BMP7: variants seen among roughly 807,000 people sequenced by gnomAD.
BMP7 encodes the protein osteogenic protein 1.
In BMP7, 12 loss-of-function variants were observed where a neutral mutation model predicts 41.2. The ratio of observed to expected loss-of-function variants is 0.29; its 90% CI spans 0.19 to 0.47. BMP7 has a LOEUF of 0.47. BMP7 is among the 20% of genes least tolerant of loss of function. The probability of loss-of-function intolerance (pLI) is 0.99; values close to 1 mark genes in which losing one functional copy is unlikely to be tolerated. For synonymous variants in BMP7, 248 were observed against 250.0 expected, an observed-to-expected ratio of 0.99 and a Z score of 0.07; for missense variants, 467 against 606.0, an observed-to-expected ratio of 0.77 and a Z score of 2.41.
At chr20:57,242,030 A>G (rs2066071764) in intron 1 of BMP7, among the ~76,000 whole-genome samples, 1 of 152,166 alleles carries the variant, frequency 6.6e-6, no homozygotes, top group Non-Finnish European at 1.5e-5. Context: ...CCCCTGGCCT[A>G]CGGCTTCCCA....
At chr20:57,184,287 T>TG (rs1266279770) in intron 3 of BMP7, among the ~76,000 whole-genome samples, 1 of 152,038 alleles carries the variant, frequency 6.6e-6, no homozygotes. Context: ...TTCAGGGAGT[T>TG]GGGGGGCAAT....
chr20:57,187,820 T>C (rs551129666), intron 3 of BMP7, among the ~76,000 whole-genome samples: 7 of 152,362 alleles, frequency 4.6e-5, no homozygotes, highest in African/African-American at 1.7e-4. Flanking sequence ...TGGGTTGTTC[T>C]TGCCCCTTTC....
At chr20:57,239,465 A>G (rs2066060993) in intron 1 of BMP7, among the ~76,000 whole-genome samples, 1 of 152,150 alleles carries the variant, frequency 6.6e-6, no homozygotes, top group African/African-American at 2.4e-5. Flanking sequence ...TTGAACGTTG[A>G]GTGACCATGG....
chr20:57,207,656 A>G (rs545989915), intron 2 of BMP7, among the ~76,000 whole-genome samples: 1 of 152,326 alleles, frequency 6.6e-6, no homozygotes, highest in South Asian at 2.1e-4. Flanking sequence ...ACAAGGTGGA[A>G]ATATGATAGG....
chr20:57,172,851 A>G, intron 6 of BMP7: 2 of 562,794 alleles, frequency 3.6e-6, no homozygotes, highest in Non-Finnish European at 3.2e-6. Context: ...TCATCTGTTT[A>G]CCTGTTTCCT....
At chr20:57,211,377 T>TA (rs1222005257) in intron 2 of BMP7, among the ~76,000 whole-genome samples, 7 of 151,998 alleles carry the variant, frequency 4.6e-5, no homozygotes, top group Non-Finnish European at 1.0e-4. Context: ...CCACCCAAGT[T>TA]AGAGGAGGCA....
chr20:57,225,857 G>A (rs1218721768), intron 2 of BMP7: 2 of 471,272 alleles, frequency 4.2e-6, no homozygotes, highest in Non-Finnish European at 4.4e-6. Context: ...GCTCCCACCT[G>A]CCATGTCCTC....
chr20:57,199,709 A>T (rs1984578881), intron 3 of BMP7, among the ~76,000 whole-genome samples: 1 of 151,996 alleles, frequency 6.6e-6, no homozygotes, highest in Non-Finnish European at 1.5e-5. Context: ...TCTTTAGCTC[A>T]CCCCCAAGAG....
chr20:57,205,835 G>A (rs11086603), intron 2 of BMP7, among the ~76,000 whole-genome samples: 9,797 of 152,230 alleles, frequency 0.064, 454 homozygotes, highest in African/African-American at 0.13. Context: ...ATGAATCAAC[G>A]TGAATGCGTC....
At chr20:57,202,759 C>A in intron 2 of BMP7, 136 bp from the exon 3 acceptor site, 2 of 1,101,778 alleles carry the variant, frequency 1.8e-6, no homozygotes, top group Non-Finnish European at 1.3e-6. Context: ...GTGGGAACAT[C>A]AGACCAAGAT....
In BMP7 at chr20:57,266,103, C is replaced by G. The variant is rs1233180568; in HGVS notation, c.20G>C (p.Arg7Pro). Residue 7 changes from arginine to proline, a missense_variant, in exon 1 of 7, where the codon CGA becomes CCA. Arg to Pro is a moderately radical substitution (Grantham distance 103, BLOSUM62 -2). Transcript: ENST00000395863. Reference sequence around the variant, plus strand: ...CACGAAGCTGTGCGGCGCCGCAGCTCGCAGTGAGCGCACGTGCATCGCGCC... The same window carrying G: ...CACGAAGCTGTGCGGCGCCGCAGCTGGCAGTGAGCGCACGTGCATCGCGCC... MHVRSL[R>P]AAAPHSFVAL... 4 of 1,535,222 alleles carry G rather than the reference C, an allele frequency of 2.6e-6. No homozygotes were observed. Among genetic ancestry groups the G allele is most frequent in the Non-Finnish European group, 3.5e-6 (4 of 1,146,274 alleles).
intron 2 of BMP7, chr20:57,216,010 A>G (rs1600627884): frequency 6.6e-6 from 1 of 152,212 alleles, no homozygotes; most frequent in South Asian, 2.1e-4. Flanking sequence ...AGTGCTTTGC[A>G]GACAGAAACA....
intron 3 of BMP7, among the ~76,000 whole-genome samples, chr20:57,201,472 C>A (rs1984617750): frequency 6.6e-6 from 1 of 152,190 alleles, no homozygotes; most frequent in Non-Finnish European, 1.5e-5. Flanking sequence ...AAAGCCGAAT[C>A]TCCATGTAAT....
chr20:57,225,350 C>T (rs1985286308), intron 2 of BMP7, among the ~76,000 whole-genome samples: 1 of 152,170 alleles, frequency 6.6e-6, no homozygotes. Context: ...GTGCCACAGC[C>T]ACCACCCAGG....
intron 1 of BMP7, among the ~76,000 whole-genome samples, chr20:57,233,508 G>T (rs141657846): frequency 6.6e-6 from 1 of 152,214 alleles, no homozygotes; most frequent in African/African-American, 2.4e-5. Context: ...TCAATAATGG[G>T]TTAGAGGCCA....
intron 1 of BMP7, among the ~76,000 whole-genome samples, chr20:57,230,716 A>G (rs1231194407): frequency 8.7e-5 from 13 of 148,794 alleles, no homozygotes; most frequent in Non-Finnish European, 1.9e-4. Flanking sequence ...TCGCTCTGTC[A>G]CCCAGGCTGG....
chr20:57,228,621 T>C lies in BMP7; in HGVS notation c.419-200A>G, dbSNP rs1334351844. ...GGCTCAGACCCCATGGTCCCCATGG[T>C]CATCCTGAACGACAAGAGCATGATT... On this transcript the variant is annotated intron_variant, in intron 1 of 6. Coordinates refer to ENST00000395863, the MANE Select transcript of BMP7 (RefSeq NM_001719.3). The surrounding 1 kb of genome is among the most constrained non-coding windows in gnomAD (Gnocchi z 4.5). 6.6e-6 allele frequency among the ~76,000 whole-genome samples: 1 copy of C among 152,136 alleles called. No homozygotes were observed. Among genetic ancestry groups the C allele is most frequent in the East Asian group, 1.9e-4 (1 of 5,198 alleles).
chr20:57,192,710 G>GT (rs564383354), intron 3 of BMP7, among the ~76,000 whole-genome samples: 9 of 148,578 alleles, frequency 6.1e-5, no homozygotes, highest in Admixed American at 4.0e-4. Context: ...AGGTTTAATA[G>GT]TTTTTTTTTA....
chr20:57,191,531 TGTAGAGACTAAAAACCCCGTGTTA>T (rs1473739487), intron 3 of BMP7, among the ~76,000 whole-genome samples: 4 of 151,824 alleles, frequency 2.6e-5, no homozygotes, highest in Non-Finnish European at 5.9e-5. Flanking sequence ...AACCCCGTGT[TGTAGAGACTAAAAACCCCGTGTTA>T]GTAGAGACTA....
Sources: gnomAD v4.1 joint callset for allele counts (sites outside exome capture counted in the v4.1 genomes callset) on GRCh38, gnomAD v4.1.1 for gene constraint, Gnocchi (gnomAD v3.1) non-coding constraint, MANE v1.5 for transcripts, NCBI Gene and HGNC (gene_info 2026-07-23, HGNC 2026-07-21) for gene names.